ZFC3H1: variants seen among roughly 807,000 people sequenced by gnomAD.
ZFC3H1 encodes zinc finger C3H1-type containing, also known as zinc finger C3H1 domain-containing protein.
In ZFC3H1, 71 loss-of-function variants were observed where a neutral mutation model predicts 243.7. The observed-to-expected ratio is 0.29, with a 90% CI of 0.24 to 0.36. The LOEUF (loss-of-function observed/expected upper bound fraction) is 0.36, where lower values mean the gene tolerates loss of function less well. Ranked by LOEUF, ZFC3H1 falls within the 10% of genes least tolerant of loss-of-function variation. ZFC3H1 has a pLI of 1.00. For synonymous variants in ZFC3H1, 838 were observed against 813.0 expected (o/e 1.03, Z -0.52); for missense variants, 1,966 against 2,317.1 (o/e 0.85, Z 3.11).
At position 71,644,337 on chromosome 12, in the gene ZFC3H1, T is replaced by C. The variant is rs771106574; in HGVS notation, c.1280-19A>G. 2.5e-6 allele frequency: 4 copies of C among 1,606,026 alleles called. No homozygotes were observed. The highest frequency in any genetic ancestry group is 3.4e-6 in the Non-Finnish European group (4 of 1,177,462). ...TGTTTAGCTTTAAATAAAAAACACA[T>C]AAACATTAGCATCTGTTAGGAGATA... is the stretch of plus-strand genomic sequence containing the variant. On this transcript the variant is annotated intron_variant, in intron 4 of 34. Transcript: ENST00000378743.
intron 2 of ZFC3H1, chr12:71,656,229 G>C (rs1421888680): frequency 1.8e-5 from 4 of 222,014 alleles, no homozygotes; most frequent in Non-Finnish European, 2.6e-5. Context: ...GTCTACATTT[G>C]TCAAAACCTG....
chr12:71,624,310 A>G lies in ZFC3H1; in HGVS notation c.4318-18T>C, dbSNP rs1215031577. The G allele has an allele frequency of 2.6e-6, 4 of 1,568,332 alleles. No homozygotes were observed. The highest frequency in any genetic ancestry group is 1.2e-5 in the South Asian group (1 of 85,266). On this transcript the variant is annotated intron_variant, in intron 22 of 34. Transcript: ENST00000378743. ...TGTAGAAACTGCCCAAAGGGCCTTT[A>G]TATTATTAATGTTGCCTTTCAGGAA... is the stretch of plus-strand genomic sequence containing the variant.
chr12:71,610,918 C>A, intron 33 of ZFC3H1, 140 bp downstream of exon 33: 5 of 1,429,246 alleles, frequency 3.5e-6, no homozygotes, highest in Non-Finnish European at 4.8e-6. Context: ...AAAATGTTAA[C>A]TACTTTTGTT....
intron 12 of ZFC3H1, among the ~76,000 whole-genome samples, chr12:71,633,696 A>G (rs1313615394): frequency 2.6e-5 from 4 of 152,102 alleles, no homozygotes; most frequent in Non-Finnish European, 5.9e-5. Context: ...ACTGTTGAAA[A>G]CTTGTAGTAA....
chr12:71,627,685 A>G, intron 21 of ZFC3H1, 66 bp downstream of exon 21: 2 of 1,484,866 alleles, frequency 1.3e-6, no homozygotes, highest in Non-Finnish European at 9.1e-7. Context: ...TACCATAGGT[A>G]AAAAAACCTC....
chr12:71,663,815 T>G lies in ZFC3H1; in HGVS notation c.-205A>C. 1.2e-5 allele frequency: 7 copies of G among 601,814 alleles called. No homozygotes were observed. Among genetic ancestry groups the G allele is most frequent in the South Asian group, 1.1e-4 (5 of 46,766 alleles). 37.3% of individuals were successfully genotyped at this position (601,814 alleles called of 1,614,324 possible). On this transcript the variant is annotated 5_prime_UTR_variant, in exon 1 of 35. Coordinates refer to ENST00000378743, the MANE Select transcript of ZFC3H1 (RefSeq NM_144982.5). ...ACCGTCGCAACCCAGTTCCCTTTCCTAGCGCCCCCTTGCTCCTCAGCGATC... is the reference window on the plus strand; with the variant it reads ...ACCGTCGCAACCCAGTTCCCTTTCCGAGCGCCCCCTTGCTCCTCAGCGATC...
chr12:71,660,237 G>C (rs1488110835), intron 1 of ZFC3H1: 1 of 152,118 alleles, frequency 6.6e-6, no homozygotes, highest in Non-Finnish European at 1.5e-5. Flanking sequence ...GTACAACCTT[G>C]ATATTAAATA....
intron 9 of ZFC3H1, 111 bp from the exon 10 acceptor site, chr12:71,635,691 T>C: frequency 9.4e-7 from 1 of 1,069,024 alleles, no homozygotes; most frequent in Non-Finnish European, 1.3e-6. Flanking sequence ...TATGGCTCCT[T>C]CTAGGGTTGT....
chr12:71,615,302 A>G lies in ZFC3H1; in HGVS notation c.5159T>C (p.Ile1720Thr). 2.5e-6 allele frequency: 4 copies of G among 1,610,512 alleles called. No homozygotes were observed. Among genetic ancestry groups the G allele is most frequent in the Non-Finnish European group, 3.4e-6 (4 of 1,177,684 alleles). ...NLDLFRYLLNIPGPIDIPSRL... is the reference protein window; with the variant it reads ...NLDLFRYLLNTPGPIDIPSRL... ...AGATGGAATGTCAATTGGTCCTGGA[A>G]TATTTAAGAGATACCTGAAAAAAAA... The change falls in exon 28 of 35, where the codon ATT becomes ACT. Residue 1720 changes from isoleucine to threonine, a missense_variant. Transcript: ENST00000378743.
At chr12:71,635,148 A>G (rs1880428866) in intron 10 of ZFC3H1, among the ~76,000 whole-genome samples, 1 of 152,110 alleles carries the variant, frequency 6.6e-6, no homozygotes, top group Admixed American at 6.6e-5. Flanking sequence ...ACACAACACA[A>G]CTCTAAAACA....
At chr12:71,621,343 G>A (rs1036578028) in intron 24 of ZFC3H1, among the ~76,000 whole-genome samples, 13 of 146,846 alleles carry the variant, frequency 8.9e-5, no homozygotes, top group African/African-American at 3.3e-4. Flanking sequence ...TTGCTCTGTT[G>A]CCCAGGCTGG....
At chr12:71,634,624 C>T in intron 11 of ZFC3H1, 80 bp downstream of exon 11, 2 of 1,427,228 alleles carry the variant, frequency 1.4e-6, no homozygotes, top group South Asian at 2.8e-5. Flanking sequence ...TCACTCATTC[C>T]CCAGTGCCAA....
rs1451167977 is a variant in ZFC3H1 at position 71,663,582 on chromosome 12, G to A, written c.29C>T (p.Ala10Val). The stretch of plus-strand genomic sequence containing the variant: ...TTCCTTCGGCGAGAGGCCACTGGAG[G>A]CCGGGGCCGGAGTATCTGCGGTCGC... MATADTPAP[A>V]SSGLSPKEEG... The change falls in exon 1 of 35, where the codon GCC (alanine) becomes GTC (valine). Residue 10 changes from alanine (A) to valine (V), a missense_variant. Transcript: ENST00000378743. 16 of 1,611,690 alleles carry A rather than the reference G, an allele frequency of 9.9e-6. No individual in the cohort carries two copies. Among genetic ancestry groups the A allele is most frequent in the Non-Finnish European group, 1.4e-5 (16 of 1,179,852 alleles).
intron 22 of ZFC3H1, among the ~76,000 whole-genome samples, chr12:71,624,954 G>A (rs1009604491): frequency 5.3e-5 from 8 of 152,168 alleles, no homozygotes; most frequent in African/African-American, 1.2e-4. Flanking sequence ...GTGACAGAGC[G>A]AGACTCCGTC....
At position 71,642,542 on chromosome 12, in the gene ZFC3H1, C is replaced by G; in HGVS notation, c.1521G>C (p.Leu507=). The part of the protein sequence containing the change: ...RSRSKSSDPD[L]RRSLDKQPTD... ...TAGGTTGCTTATCTAAGGATCGCCT[C>G]AGGTCAGGATCTGAAGACTAAGTAT... The change falls in exon 6 of 35, where the codon CTG becomes CTC. Residue 507 remains leucine (L), a synonymous_variant. Transcript: ENST00000378743. 6.2e-7 allele frequency: 1 copy of G among 1,612,114 alleles called. No homozygotes were observed.
intron 20 of ZFC3H1, 100 bp from the exon 21 acceptor site, chr12:71,628,034 C>T: frequency 8.6e-7 from 1 of 1,159,340 alleles, no homozygotes; most frequent in South Asian, 1.4e-5. Context: ...ACTTAAAAAC[C>T]TAAAGATTCT....
chr12:71,619,414 T>C lies in ZFC3H1; in HGVS notation c.5050-5A>G. ...AAGAAGATTATCGCCTCGATTCTAT[T>C]TTAAAAAGAGGGAGGGGGATATATA... On this transcript the variant is annotated splice_region_variant and splice_polypyrimidine_tract_variant and intron_variant, in intron 26 of 34. Transcript: ENST00000378743. The C allele has an allele frequency of 6.2e-7, 1 of 1,612,500 alleles. No individual in the cohort carries two copies. Among genetic ancestry groups the C allele is most frequent in the Non-Finnish European group, 8.5e-7 (1 of 1,178,926 alleles).
At chr12:71,621,850 T>C (rs952523004) in intron 24 of ZFC3H1, among the ~76,000 whole-genome samples, 1 of 150,344 alleles carries the variant, frequency 6.7e-6, no homozygotes, top group Non-Finnish European at 1.5e-5. Flanking sequence ...TAACTTAAAA[T>C]ATCTCTAATA....
rs756108084 is a variant in ZFC3H1 at position 71,634,236 on chromosome 12, T to C, written c.2429A>G (p.Asp810Gly). 1.2e-6 allele frequency: 2 copies of C among 1,614,072 alleles called. No individual in the cohort carries two copies. Among genetic ancestry groups the C allele is most frequent in the Non-Finnish European group, 1.7e-6 (2 of 1,179,964 alleles). ...CCTGCCAATACCATCAATTTCCACATCAGAGTTTGCTGGGGATGATGAACT... is the reference window on the plus strand; with the variant it reads ...CCTGCCAATACCATCAATTTCCACACCAGAGTTTGCTGGGGATGATGAACT... ...KTSSSSPANSDVEIDGIGRIA... is the reference protein window; with the variant it reads ...KTSSSSPANSGVEIDGIGRIA... Residue 810 changes from aspartate to glycine, a missense_variant, in exon 12 of 35, where the codon GAT becomes GGT. Around this residue, in one of 4 missense-constraint regions of ZFC3H1, gnomAD observed 1,383 missense variants for 1,723.7 expected, o/e 0.80. Transcript: ENST00000378743.
Sources: gnomAD v4.1 joint callset for allele counts (sites outside exome capture counted in the v4.1 genomes callset) on GRCh38, gnomAD v4.1.1 for gene constraint, gnomAD v4.1.1 regional missense constraint, MANE v1.5 for transcripts, NCBI Gene and HGNC (gene_info 2026-07-23, HGNC 2026-07-21) for gene names.